Variants in EPHA5 observed in about 807,000 individuals in gnomAD.
EPHA5 encodes EPH receptor A5.
A neutral mutation model predicts 105.0 loss-of-function variants in EPHA5; 60 were observed. That is an observed-to-expected ratio of 0.57 (90% CI 0.46 to 0.71). The LOEUF (loss-of-function observed/expected upper bound fraction) is 0.71. EPHA5 is among the 30% of genes least tolerant of loss of function. The pLI, the probability that EPHA5 is intolerant of heterozygous loss-of-function variation, is 0.00. For missense variants in EPHA5, 1,218 were observed against 1,274.7 expected, an observed-to-expected ratio of 0.96 and a Z score of 0.68; for synonymous variants, 513 against 449.1, an observed-to-expected ratio of 1.14 and a Z score of -1.80.
intron 6 of EPHA5, among the ~76,000 whole-genome samples, chr4:65,415,545 G>A (rs996260729): frequency 6.6e-6 from 1 of 151,848 alleles, no homozygotes; most frequent in Admixed American, 6.6e-5. Context: ...TTATCTTAGA[G>A]TTAAGTAGGT....
chr4:65,574,066 A>G (rs1201726649), intron 3 of EPHA5: 2 of 1,601,624 alleles, frequency 1.2e-6, no homozygotes, highest in Admixed American at 1.7e-5. Context: ...ACCAAAATCG[A>G]TATCAGCAAT....
chr4:65,631,417 T>C (rs1307017804), intron 2 of EPHA5, among the ~76,000 whole-genome samples: 1 of 152,206 alleles, frequency 6.6e-6, no homozygotes, highest in Non-Finnish European at 1.5e-5. Flanking sequence ...ATCTTTTCCA[T>C]CTTTAAGTTT....
chr4:65,367,285 C>G, intron 9 of EPHA5, 72 bp downstream of exon 9: 1 of 1,318,080 alleles, frequency 7.6e-7, no homozygotes, highest in African/African-American at 1.5e-5. Flanking sequence ...ATCTTGTAGC[C>G]TGAAAAGAAA....
At chr4:65,409,398 G>T (rs183469201) in intron 7 of EPHA5, among the ~76,000 whole-genome samples, 349 of 150,200 alleles carry the variant, frequency 2.3e-3, no homozygotes, top group Admixed American at 4.3e-3. Context: ...CGGAAAAAAG[G>T]TAATATTCTT....
chr4:65,471,019 T>C (rs770063829), intron 5 of EPHA5, among the ~76,000 whole-genome samples: 1 of 152,208 alleles, frequency 6.6e-6, no homozygotes, highest in Non-Finnish European at 1.5e-5. Context: ...CCAATCCAGC[T>C]GTTTCTGTAC....
chr4:65,593,580 A>T (rs1742882157), intron 3 of EPHA5, among the ~76,000 whole-genome samples: 2 of 152,154 alleles, frequency 1.3e-5, no homozygotes, highest in South Asian at 4.1e-4. Context: ...TTCCCAGGTG[A>T]TGCCAATGCT....
intron 3 of EPHA5, among the ~76,000 whole-genome samples, chr4:65,515,868 CTCTGAATAGAACAA>C: frequency 6.6e-6 from 1 of 152,216 alleles, no homozygotes; most frequent in East Asian, 1.9e-4. Flanking sequence ...TCCTTTGAGG[CTCTGAATAGAACAA>C]AAAGGAGGAG....
chr4:65,521,389 G>C (rs1734701669), intron 3 of EPHA5, among the ~76,000 whole-genome samples: 1 of 151,896 alleles, frequency 6.6e-6, no homozygotes, highest in Non-Finnish European at 1.5e-5. Context: ...TCGGGGGAGT[G>C]GGGAGGGATA....
chr4:65,554,836 T>C (rs2149345868), intron 3 of EPHA5, among the ~76,000 whole-genome samples: 1 of 151,814 alleles, frequency 6.6e-6, no homozygotes, highest in Admixed American at 6.6e-5. Context: ...ATGTATATAC[T>C]TGAGAGATAA....
intron 3 of EPHA5, among the ~76,000 whole-genome samples, chr4:65,502,751 T>TAGAAAATATA (rs1310242261): frequency 6.6e-6 from 1 of 151,828 alleles, no homozygotes; most frequent in African/African-American, 2.4e-5. Flanking sequence ...ACTGGGTATA[T>TAGAAAATATA]CCAAAAGAAA....
At chr4:65,361,837 A>T (rs1717356223) in intron 11 of EPHA5, among the ~76,000 whole-genome samples, 1 of 151,620 alleles carries the variant, frequency 6.6e-6, no homozygotes, top group Non-Finnish European at 1.5e-5. Flanking sequence ...TAAAATTATG[A>T]CTAATCCTAA....
chr4:65,562,339 C>T (rs72625053), intron 3 of EPHA5, among the ~76,000 whole-genome samples: 35,170 of 151,916 alleles, frequency 0.23, 4,187 homozygotes, highest in Admixed American at 0.27. Flanking sequence ...CCATGCTTCT[C>T]AATTGTTTCT....
chr4:65,669,571 T>C lies in EPHA5; in HGVS notation c.172A>G (p.Ser58Gly). Residue 58 changes from serine (S) to glycine (G), a missense_variant, in exon 1 of 17, where the codon AGC (serine) becomes GGC (glycine). This residue lies in a region of EPHA5 where 233 missense variants were observed against 227.5 expected (regional missense o/e 1.02). Coordinates refer to ENST00000613740, the MANE Select transcript of EPHA5 (RefSeq NM_001281766.3). Reference protein sequence around the residue: ...AALRTLLASPSNEVNLLDSRT... With the variant: ...AALRTLLASPGNEVNLLDSRT... ...ACCCCCATCTCCCTACCTTCGTTGC[T>C]GGGGCTGGCCAGGAGGGTCCGGAGT... is the stretch of plus-strand genomic sequence containing the variant. The C allele has an allele frequency of 1.4e-6, 2 of 1,401,998 alleles. No homozygotes were observed. The highest frequency in any genetic ancestry group is 1.8e-5 in the South Asian group (1 of 55,136). 86.8% of individuals were successfully genotyped at this position (1,401,998 alleles called of 1,614,324 possible).
At chr4:65,420,864 AT>A (rs1347265744) in intron 5 of EPHA5, among the ~76,000 whole-genome samples, 1 of 151,986 alleles carries the variant, frequency 6.6e-6, no homozygotes, top group African/African-American at 2.4e-5. Context: ...ATTCCTGATT[AT>A]TTTATGTATC....
intron 15 of EPHA5, 76 bp from the exon 16 acceptor site, chr4:65,332,204 C>A: frequency 8.5e-7 from 1 of 1,170,406 alleles, no homozygotes. Flanking sequence ...AATGTTAACT[C>A]ATATTCAATG....
At chr4:65,480,680 C>T (rs1271234176) in intron 5 of EPHA5, among the ~76,000 whole-genome samples, 1 of 152,106 alleles carries the variant, frequency 6.6e-6, no homozygotes, top group Non-Finnish European at 1.5e-5. Context: ...TCAACAGCTG[C>T]CATGGCAATG....
intron 2 of EPHA5, among the ~76,000 whole-genome samples, chr4:65,611,173 T>G (rs1231948064): frequency 6.6e-6 from 1 of 152,140 alleles, no homozygotes; most frequent in Non-Finnish European, 1.5e-5. Flanking sequence ...ACACCCACGA[T>G]TAAGAATTCC....
intron 3 of EPHA5, among the ~76,000 whole-genome samples, chr4:65,560,057 G>A (rs1023830924): frequency 2.0e-5 from 3 of 152,098 alleles, no homozygotes; most frequent in South Asian, 2.1e-4. Flanking sequence ...TAGTGAGAAA[G>A]CTTGATTTTT....
intron 3 of EPHA5, among the ~76,000 whole-genome samples, chr4:65,575,586 G>T (rs1740817099): frequency 6.6e-6 from 1 of 152,100 alleles, no homozygotes; most frequent in Admixed American, 6.6e-5. Context: ...ACAATAAGAT[G>T]CAGTCTTAAA....
Sources: gnomAD v4.1 joint callset for allele counts (sites outside exome capture counted in the v4.1 genomes callset) on GRCh38, gnomAD v4.1.1 for gene constraint, gnomAD v4.1.1 regional missense constraint, MANE v1.5 for transcripts, NCBI Gene and HGNC (gene_info 2026-07-23, HGNC 2026-07-21) for gene names.